The following SCN10A variants were observed in gnomAD, a reference collection of about 807,000 sequenced individuals.
SCN10A encodes the protein sodium channel protein type 10 subunit alpha.
A neutral mutation model predicts 170.7 loss-of-function variants in SCN10A; 162 were observed. The observed-to-expected ratio is 0.95, with a 90% confidence interval of 0.84 to 1.08. SCN10A has a LOEUF of 1.08. Among genes scored for constraint, SCN10A ranks in the 50% least tolerant of loss-of-function variants. The pLI is 0.00. For missense variants in SCN10A, 2,527 were observed against 2,436.9 expected (o/e 1.04, Z -0.78); for synonymous variants, 985 against 904.6 (o/e 1.09, Z -1.59).
At position 38,728,400 on chromosome 3, in the gene SCN10A, C is replaced by A. The variant is rs1329691934; in HGVS notation, c.2640+142G>T. On this transcript the variant is annotated intron_variant, in intron 16 of 27. Coordinates refer to ENST00000449082, the MANE Select transcript of SCN10A (RefSeq NM_006514.4). ...GGCACACTTCTTGTAATGAATCCCA[C>A]ATGAATTTGAAAAGTTTGAAGACTT... The A allele has an allele frequency of 3.2e-5, 27 of 857,102 alleles. No homozygotes were observed. The East Asian group carries it at 6.6e-4, about 21-fold the overall frequency. The allele number at this position is 857,102 out of a possible 1,614,324, so 53.1% of individuals were successfully genotyped here. A position where few individuals can be genotyped will look rare whatever the true frequency, so the allele number is the denominator to read the frequency against.
At chr3:38,795,755 A>G (rs1437072095) in intron 1 of SCN10A, among the ~76,000 whole-genome samples, 1 of 152,176 alleles carries the variant, frequency 6.6e-6, no homozygotes, top group East Asian at 1.9e-4. Context: ...AATAATAACA[A>G]TAGTAACAAC....
At chr3:38,794,687 A>G (rs1374729291) in intron 1 of SCN10A, among the ~76,000 whole-genome samples, 1 of 152,180 alleles carries the variant, frequency 6.6e-6, no homozygotes, top group Admixed American at 6.5e-5. Flanking sequence ...AGGCTAAGTC[A>G]ATCTAGAACA....
rs115253440 is a variant in SCN10A, at chr3:38,724,135, G to A, written c.3229-582C>T. On this transcript the variant is annotated intron_variant, in intron 18 of 27. Coordinates refer to ENST00000449082, the MANE Select transcript of SCN10A (RefSeq NM_006514.4). ...AGCATGACATCCACGTGCAGAATGT[G>A]ACAGCCCTCACCCAGTGGGAACCAA... Among the ~76,000 whole-genome samples the A allele has an allele frequency of 2.0e-3, 299 of 152,316 alleles. 1 individual carries two copies. Among genetic ancestry groups the A allele is most frequent in the African/African-American group, 6.8e-3 (281 of 41,558 alleles).
chr3:38,737,057 G>A (rs1408131797), intron 15 of SCN10A, among the ~76,000 whole-genome samples: 1 of 128,590 alleles, frequency 7.8e-6, no homozygotes, highest in Non-Finnish European at 1.6e-5. Context: ...TGTAAGCTCC[G>A]CCTCCCAGGT....
chr3:38,742,904 T>C (rs2063649445), intron 13 of SCN10A, among the ~76,000 whole-genome samples: 1 of 152,182 alleles, frequency 6.6e-6, no homozygotes, highest in Non-Finnish European at 1.5e-5. Flanking sequence ...TGGCAAAACC[T>C]GAACTGTGAA....
chr3:38,721,499 C>G (rs1196314529), intron 20 of SCN10A, among the ~76,000 whole-genome samples: 1 of 152,208 alleles, frequency 6.6e-6, no homozygotes, highest in East Asian at 1.9e-4. Context: ...GTGTAAGGAG[C>G]TTAAGCCACA....
intron 1 of SCN10A, among the ~76,000 whole-genome samples, chr3:38,815,600 T>C (rs1181019172): frequency 6.6e-6 from 1 of 152,266 alleles, no homozygotes; most frequent in Non-Finnish European, 1.5e-5. Flanking sequence ...CCATGCATTC[T>C]TTGCTTTCTG....
intron 15 of SCN10A, among the ~76,000 whole-genome samples, chr3:38,729,511 T>A (rs1329751455): frequency 3.9e-5 from 6 of 152,136 alleles, no homozygotes; most frequent in Non-Finnish European, 7.3e-5. Flanking sequence ...TGCAGGTGCA[T>A]GGCAGTGTGC....
chr3:38,809,393 C>G (rs1301155871), intron 1 of SCN10A, among the ~76,000 whole-genome samples: 1 of 152,226 alleles, frequency 6.6e-6, no homozygotes. Context: ...AGGGGCTTCT[C>G]TCTTGAAACT....
chr3:38,729,905 G>A (rs1458850694), intron 15 of SCN10A, among the ~76,000 whole-genome samples: 1 of 152,200 alleles, frequency 6.6e-6, no homozygotes, highest in Admixed American at 6.5e-5. Flanking sequence ...TATACAGTAA[G>A]TGCTGTATGC....
intron 4 of SCN10A, 21 bp downstream of exon 4, chr3:38,788,935 A>C (rs550070310): frequency 6.8e-7 from 1 of 1,470,414 alleles, no homozygotes; most frequent in South Asian, 1.1e-5. Flanking sequence ...ATGGTACAAT[A>C]ATGATAGCAA....
At chr3:38,791,197 A>G (rs1364129210) in intron 3 of SCN10A, among the ~76,000 whole-genome samples, 1 of 152,188 alleles carries the variant, frequency 6.6e-6, no homozygotes, top group African/African-American at 2.4e-5. Flanking sequence ...CCTGCAAGCC[A>G]GGGCTAAATT....
At chr3:38,803,523 C>T (rs1314442325) in intron 1 of SCN10A, among the ~76,000 whole-genome samples, 6 of 151,888 alleles carry the variant, frequency 4.0e-5, no homozygotes, top group African/African-American at 1.5e-4. Context: ...AGCTGGAAAC[C>T]ATCATTCTCA....
At chr3:38,815,576 C>T (rs1037654502) in intron 1 of SCN10A, among the ~76,000 whole-genome samples, 1 of 152,210 alleles carries the variant, frequency 6.6e-6, no homozygotes, top group Non-Finnish European at 1.5e-5. Context: ...TGTGTATCAC[C>T]ACTGACCCGG....
chr3:38,786,258 G>T (rs1402422614), intron 4 of SCN10A, among the ~76,000 whole-genome samples: 1 of 151,972 alleles, frequency 6.6e-6, no homozygotes, highest in Non-Finnish European at 1.5e-5. Flanking sequence ...ACTGGATAAA[G>T]AAAATATGGC....
At position 38,788,983 on chromosome 3, in the gene SCN10A, G is replaced by T; in HGVS notation, c.443C>A (p.Thr148Asn). Residue 148 changes from threonine to asparagine, a missense_variant, in exon 4 of 28, where the codon ACC becomes AAC. Physicochemically the swap from Thr to Asn is moderately conservative, Grantham distance 65. Coordinates refer to ENST00000449082, the MANE Select transcript of SCN10A (RefSeq NM_006514.4). ...VTILVNCVCM[T>N]RTDLPEKIEY... ...AATTTTCTCTGGAAGGTCAGTTCGG[G>T]TCATGCACACACAATTAACCAAAAT... The T allele has an allele frequency of 6.2e-7, 1 of 1,610,514 alleles. No individual in the cohort carries two copies. Among genetic ancestry groups the T allele is most frequent in the Non-Finnish European group, 8.5e-7 (1 of 1,177,008 alleles).
chr3:38,763,234 A>T (rs557602335), intron 6 of SCN10A, among the ~76,000 whole-genome samples: 4 of 152,172 alleles, frequency 2.6e-5, no homozygotes, highest in Admixed American at 2.6e-4. Flanking sequence ...AAGTGAAGAC[A>T]TGCCCCTCCT....
chr3:38,793,189 C>T (rs2064306371), intron 2 of SCN10A, among the ~76,000 whole-genome samples: 1 of 151,994 alleles, frequency 6.6e-6, no homozygotes, highest in Admixed American at 6.6e-5. Flanking sequence ...GACATCATCC[C>T]CCATCAATAG....
At chr3:38,698,663 C>T in intron 27 of SCN10A, 101 bp from the exon 28 acceptor site, 2 of 1,109,796 alleles carry the variant, frequency 1.8e-6, no homozygotes, top group Non-Finnish European at 2.6e-6. Context: ...TAGACTGCCA[C>T]TTGGGCATCC....
Sources: allele counts gnomAD v4.1 joint callset (sites outside exome capture counted in the v4.1 genomes callset), GRCh38; gene constraint gnomAD v4.1.1; transcripts MANE v1.5; gene names NCBI Gene and HGNC (gene_info 2026-07-23, HGNC 2026-07-21).